The following RERE variants were observed in gnomAD, a reference collection of about 807,000 sequenced individuals.
RERE encodes arginine-glutamic acid dipeptide repeats.
Under a neutral mutation model 146.1 loss-of-function variants are expected in RERE, and 40 were observed. The observed-to-expected ratio is 0.27, with a 90% confidence interval of 0.21 to 0.36. The LOEUF is 0.36. RERE is among the 10% of genes least tolerant of loss of function. The pLI is 1.00. For missense variants in RERE, 1,933 were observed against 2,138.7 expected, an observed-to-expected ratio of 0.90 and a Z score of 1.90; for synonymous variants, 1,003 against 866.0, an observed-to-expected ratio of 1.16 and a Z score of -2.78.
At chr1:8,621,883 GAAGT>G (rs1281627754) in intron 3 of RERE, among the ~76,000 whole-genome samples, 1 of 152,168 alleles carries the variant, frequency 6.6e-6, no homozygotes, top group Non-Finnish European at 1.5e-5. Context: ...TAAGTACAGA[GAAGT>G]AAGAAAATAA....
In RERE at chr1:8,393,076, T is replaced by C. The variant is rs138494445; in HGVS notation, c.1285-27102A>G. On this transcript the variant is annotated intron_variant, in intron 12 of 22. Coordinates refer to ENST00000400908, the MANE Select transcript of RERE (RefSeq NM_001042681.2). The stretch of plus-strand genomic sequence containing the variant: ...TGGTGGGCTTACTCATGAGAAGGAA[T>C]AGCAAGGTGCTCAGATTGGACTTCT... Among the ~76,000 whole-genome samples the C allele has an allele frequency of 1.8e-3, 280 of 152,292 alleles. 1 individual carries two copies. The highest frequency in any genetic ancestry group is 6.5e-3 in the African/African-American group (271 of 41,566).
rs1416016986 is a variant in RERE at position 8,495,113 on chromosome 1, C to T, written c.1054G>A (p.Gly352Ser). The T allele has an allele frequency of 1.2e-6, 2 of 1,613,992 alleles. No homozygotes were observed. Among genetic ancestry groups the T allele is most frequent in the South Asian group, 1.1e-5 (1 of 91,078 alleles). ...TCATCCCGAGAGGCTGCGACACAGC[C>T]GTCCTCTGTAGAGCCTCCATCACAC... ...GMCDGGSTED[G>S]CVAASRDDTT... is the part of the protein sequence containing the mutation. Residue 352 changes from glycine (G) to serine (S), a missense_variant, in exon 10 of 23, where the codon GGC becomes AGC. This residue lies in a region of RERE where 260 missense variants were observed against 378.4 expected (regional missense o/e 0.69). Coordinates refer to ENST00000400908, the MANE Select transcript of RERE (RefSeq NM_001042681.2).
chr1:8,553,176 ACAC>A (rs1016308734), intron 6 of RERE, among the ~76,000 whole-genome samples: 1 of 148,608 alleles, frequency 6.7e-6, no homozygotes, highest in Non-Finnish European at 1.5e-5. Flanking sequence ...CGTGTGCGAC[ACAC>A]CACTAGGCCA....
intron 1 of RERE, among the ~76,000 whole-genome samples, chr1:8,814,303 T>C (rs1273197390): frequency 6.6e-6 from 1 of 152,194 alleles, no homozygotes; most frequent in Non-Finnish European, 1.5e-5. Flanking sequence ...TTAGAACAAC[T>C]GAGATGGGCC....
At chr1:8,752,482 A>G (rs764787572) in intron 1 of RERE, among the ~76,000 whole-genome samples, 2 of 152,238 alleles carry the variant, frequency 1.3e-5, no homozygotes, top group Admixed American at 1.3e-4. Context: ...TATCAAAATG[A>G]TAAACAATAG....
At chr1:8,790,232 G>T (rs1407211997) in intron 1 of RERE, among the ~76,000 whole-genome samples, 1 of 152,044 alleles carries the variant, frequency 6.6e-6, no homozygotes, top group Non-Finnish European at 1.5e-5. Flanking sequence ...ACAGGAAATG[G>T]CATATGTACT....
intron 8 of RERE, among the ~76,000 whole-genome samples, chr1:8,504,107 T>C (rs1370971618): frequency 6.6e-6 from 1 of 152,222 alleles, no homozygotes; most frequent in African/African-American, 2.4e-5. Context: ...AAAACACCTA[T>C]TTCCTATTCT....
chr1:8,799,738 G>GTT (rs59426198), intron 1 of RERE, among the ~76,000 whole-genome samples: 2 of 151,474 alleles, frequency 1.3e-5, no homozygotes, highest in Non-Finnish European at 2.9e-5. Flanking sequence ...AACATTATGA[G>GTT]TTTTTTTGTG....
chr1:8,401,928 T>C (rs752491577), intron 12 of RERE, among the ~76,000 whole-genome samples: 43 of 152,206 alleles, frequency 2.8e-4, no homozygotes, highest in Admixed American at 2.6e-4. Context: ...TGCAGTGGCA[T>C]GATCTCGGCT....
intron 2 of RERE, among the ~76,000 whole-genome samples, chr1:8,640,904 A>G (rs149630155): frequency 5.2e-4 from 79 of 152,350 alleles, no homozygotes; most frequent in Non-Finnish European, 1.0e-3. Context: ...TATTTAGGGT[A>G]TTCACATAGC....
intron 8 of RERE, among the ~76,000 whole-genome samples, chr1:8,498,514 G>A (rs1645077027): frequency 6.6e-6 from 1 of 151,746 alleles, no homozygotes; most frequent in Non-Finnish European, 1.5e-5. Context: ...TGGCCAACAT[G>A]ATAAAACCCC....
rs192941905 is a variant in RERE, at chr1:8,809,157, A to T, written c.-145+8003T>A. ...TGTCTTAAAAAAAAAAAAAAAAAAA[A>T]AAAGTACTGAGGGAGAGGTTAATGG... On this transcript the variant is annotated intron_variant, in intron 1 of 22. Coordinates refer to ENST00000400908, the MANE Select transcript of RERE (RefSeq NM_001042681.2). Among the ~76,000 whole-genome samples the T allele has an allele frequency of 5.0e-3, 726 of 146,184 alleles. 19 individuals carry two copies. The highest frequency in any genetic ancestry group is 0.018 in the African/African-American group (671 of 36,416).
At chr1:8,611,690 G>C (rs1646795356) in intron 4 of RERE, among the ~76,000 whole-genome samples, 1 of 152,198 alleles carries the variant, frequency 6.6e-6, no homozygotes, top group African/African-American at 2.4e-5. Flanking sequence ...TAGTGAGGAA[G>C]AGGATGGGTG....
intron 1 of RERE, among the ~76,000 whole-genome samples, chr1:8,688,302 A>G (rs1428124789): frequency 1.3e-5 from 2 of 152,196 alleles, no homozygotes; most frequent in Non-Finnish European, 1.5e-5. Context: ...ATGGTGGCTC[A>G]TGCCTGTAAT....
At chr1:8,677,068 C>G (rs972457177) in intron 1 of RERE, among the ~76,000 whole-genome samples, 1 of 152,154 alleles carries the variant, frequency 6.6e-6, no homozygotes, top group Non-Finnish European at 1.5e-5. Flanking sequence ...TTTGCTCATG[C>G]GTCCTTGCCA....
At chr1:8,729,260 G>A (rs1640036134) in intron 1 of RERE, among the ~76,000 whole-genome samples, 1 of 120,582 alleles carries the variant, frequency 8.3e-6, no homozygotes, top group Non-Finnish European at 1.7e-5. Context: ...GTCTCGCTCT[G>A]TTGCCCAGGC....
chr1:8,445,316 C>G (rs756192487), intron 11 of RERE, among the ~76,000 whole-genome samples: 2 of 152,216 alleles, frequency 1.3e-5, no homozygotes, highest in Non-Finnish European at 2.9e-5. Context: ...TATGTAACTG[C>G]TGTTCCACCA....
intron 8 of RERE, among the ~76,000 whole-genome samples, chr1:8,502,993 T>C (rs1383347712): frequency 2.7e-5 from 4 of 150,546 alleles, no homozygotes; most frequent in East Asian, 1.9e-4. Context: ...CAGAGACCTT[T>C]GTTCACTTGT....
At chr1:8,584,780 C>T (rs1202444080) in intron 4 of RERE, among the ~76,000 whole-genome samples, 1 of 152,110 alleles carries the variant, frequency 6.6e-6, no homozygotes, top group Non-Finnish European at 1.5e-5. Context: ...TTTACTGTTT[C>T]CAGAAATCAT....
Sources: gnomAD v4.1 joint callset for allele counts (sites outside exome capture counted in the v4.1 genomes callset) on GRCh38, gnomAD v4.1.1 for gene constraint, gnomAD v4.1.1 regional missense constraint, MANE v1.5 for transcripts, NCBI Gene and HGNC (gene_info 2026-07-23, HGNC 2026-07-21) for gene names.